The following LSAMP variants were observed in gnomAD, a reference collection of about 807,000 sequenced individuals.
LSAMP encodes the protein limbic system-associated membrane protein.
LSAMP carries 7 observed loss-of-function variants against 38.6 expected under a neutral mutation model. That is an observed-to-expected ratio of 0.18 (90% confidence interval 0.10 to 0.34). The LOEUF is 0.34. LSAMP is among the 10% of genes least tolerant of loss of function. The pLI is 1.00. For missense variants in LSAMP, 313 were observed against 420.0 expected (o/e 0.75, Z 2.23); for synonymous variants, 154 against 166.8 (o/e 0.92, Z 0.59).
intron 3 of LSAMP, among the ~76,000 whole-genome samples, chr3:115,949,175 C>T (rs890002118): frequency 6.6e-6 from 1 of 152,138 alleles, no homozygotes; most frequent in African/African-American, 2.4e-5. Context: ...ACAAGAATTG[C>T]TTGAATCTGG....
chr3:115,983,306 C>T (rs939060249), intron 3 of LSAMP, among the ~76,000 whole-genome samples: 1 of 151,998 alleles, frequency 6.6e-6, no homozygotes, highest in Non-Finnish European at 1.5e-5. Context: ...GCTCAACACC[C>T]AGAGTTCAGG....
chr3:116,148,637 G>A (rs1004330853), intron 1 of LSAMP, among the ~76,000 whole-genome samples: 1 of 151,984 alleles, frequency 6.6e-6, no homozygotes, highest in African/African-American at 2.4e-5. Context: ...AAGTTCCAGT[G>A]AGTTAATGAC....
chr3:116,444,733 C>T (rs1366152654), intron 1 of LSAMP, 144 bp downstream of exon 1: 2 of 1,039,236 alleles, frequency 1.9e-6, no homozygotes, highest in Non-Finnish European at 2.9e-6. Flanking sequence ...ACACACACCA[C>T]ACACACACAC....
At chr3:116,065,054 T>G (rs1576341823) in intron 2 of LSAMP, among the ~76,000 whole-genome samples, 2 of 152,368 alleles carry the variant, frequency 1.3e-5, no homozygotes, top group Non-Finnish European at 2.9e-5. Flanking sequence ...ATTTACCTGA[T>G]GCATGTGAAT....
At position 116,194,266 on chromosome 3, in the gene LSAMP, G is replaced by A. The variant is rs567179651; in HGVS notation, c.156-107710C>T. On this transcript the variant is annotated intron_variant, in intron 1 of 6. Coordinates refer to ENST00000490035, the MANE Select transcript of LSAMP (RefSeq NM_002338.5). ...TCAGATAGAAATGCAGAGAAGGGTC[G>A]AGGAGCAATATAGGCAGCGGAAGAC... Among the ~76,000 whole-genome samples, 326 of 152,232 alleles carry A rather than the reference G, an allele frequency of 2.1e-3. 1 individual carries two copies. The highest frequency in any genetic ancestry group is 7.5e-3 in the African/African-American group (311 of 41,536).
chr3:116,218,458 C>A (rs2046246068), intron 1 of LSAMP, among the ~76,000 whole-genome samples: 1 of 152,142 alleles, frequency 6.6e-6, no homozygotes. Context: ...TCCTCGCCAC[C>A]ACTGAATTTC....
chr3:115,822,093 T>C (rs1259364239), intron 6 of LSAMP, among the ~76,000 whole-genome samples: 1 of 152,326 alleles, frequency 6.6e-6, no homozygotes, highest in East Asian at 1.9e-4. Flanking sequence ...AATATTATTT[T>C]TTTCTTTTGC....
intron 1 of LSAMP, among the ~76,000 whole-genome samples, chr3:116,231,704 AG>A (rs1559792592): frequency 6.6e-6 from 1 of 152,162 alleles, no homozygotes; most frequent in Non-Finnish European, 1.5e-5. Flanking sequence ...TGTTAAAGAG[AG>A]GGGACACTGT....
At chr3:115,847,879 T>C (rs1935211232) in intron 4 of LSAMP, among the ~76,000 whole-genome samples, 1 of 152,224 alleles carries the variant, frequency 6.6e-6, no homozygotes, top group Admixed American at 6.5e-5. Context: ...AGTTGGCCAC[T>C]GTTGGTGTGA....
chr3:116,209,001 C>G (rs951553208), intron 1 of LSAMP, among the ~76,000 whole-genome samples: 2 of 152,214 alleles, frequency 1.3e-5, no homozygotes, highest in Admixed American at 6.5e-5. Context: ...CCCGGAGCCT[C>G]GCTGCCGCCT....
intron 3 of LSAMP, among the ~76,000 whole-genome samples, chr3:115,876,102 G>A (rs575326150): frequency 2.0e-4 from 30 of 151,776 alleles, no homozygotes; most frequent in Admixed American, 2.0e-4. Flanking sequence ...AATTTTTCAT[G>A]CTTATCAGTC....
At chr3:115,990,390 T>C (rs2107641457) in intron 3 of LSAMP, among the ~76,000 whole-genome samples, 1 of 152,206 alleles carries the variant, frequency 6.6e-6, no homozygotes, top group East Asian at 1.9e-4. Flanking sequence ...AGGCAGCTTC[T>C]GATTAGCACA....
Position 115,810,221 on chromosome 3 carries a change from A to ATCTCTCTC in LSAMP, c.*88_*95dup, listed in dbSNP as rs528530751. On this transcript the variant is annotated 3_prime_UTR_variant, in exon 7 of 7. Transcript: ENST00000490035. ...AGTTGTGAAATAAACGGTCTCCCCC[A>ATCTCTCTC]TCTCTCTCTCTCTCTCTCTCTCTGT... is the stretch of plus-strand genomic sequence containing the variant. 2.5e-5 allele frequency: 16 copies of ATCTCTCTC among 649,974 alleles called. No individual in the cohort carries two copies. Among genetic ancestry groups the ATCTCTCTC allele is most frequent in the African/African-American group, 2.3e-4 (12 of 52,392 alleles). 40.3% of individuals were successfully genotyped at this position (649,974 alleles called of 1,614,324 possible). A position where few individuals can be genotyped will look rare whatever the true frequency, so the allele number is the denominator to read the frequency against.
chr3:116,095,314 A>C (rs1319160635), intron 1 of LSAMP, among the ~76,000 whole-genome samples: 1 of 152,242 alleles, frequency 6.6e-6, no homozygotes, highest in Non-Finnish European at 1.5e-5. Flanking sequence ...GGAGCAATGA[A>C]AAGGCCTCCA....
At chr3:116,082,698 A>AT (rs1191666507) in intron 2 of LSAMP, among the ~76,000 whole-genome samples, 13 of 152,228 alleles carry the variant, frequency 8.5e-5, no homozygotes, top group African/African-American at 3.1e-4. Flanking sequence ...ATGAAATATT[A>AT]TGCAGCCATA....
intron 1 of LSAMP, among the ~76,000 whole-genome samples, chr3:116,124,624 A>T (rs1331235341): frequency 6.6e-6 from 1 of 152,222 alleles, no homozygotes; most frequent in Non-Finnish European, 1.5e-5. Context: ...GTTTCTGGGC[A>T]GGAGAGATTT....
At chr3:116,059,440 A>G (rs1299585424) in intron 2 of LSAMP, among the ~76,000 whole-genome samples, 2 of 152,200 alleles carry the variant, frequency 1.3e-5, no homozygotes, top group African/African-American at 4.8e-5. Flanking sequence ...GTGGCAGAAG[A>G]TATCTAGCTC....
intron 3 of LSAMP, among the ~76,000 whole-genome samples, chr3:115,908,897 A>C (rs1451821071): frequency 1.3e-5 from 2 of 152,132 alleles, no homozygotes; most frequent in African/African-American, 2.4e-5. Flanking sequence ...TTCAGTCAAG[A>C]GTGACATAAG....
intron 1 of LSAMP, among the ~76,000 whole-genome samples, chr3:116,216,292 C>T (rs953604995): frequency 1.1e-4 from 16 of 152,168 alleles, no homozygotes; most frequent in African/African-American, 3.6e-4. Flanking sequence ...GCTGTCTGGA[C>T]CACTCTGTAA....
Sources: allele counts gnomAD v4.1 joint callset (sites outside exome capture counted in the v4.1 genomes callset), GRCh38; gene constraint gnomAD v4.1.1; transcripts MANE v1.5; gene names NCBI Gene and HGNC (gene_info 2026-07-23, HGNC 2026-07-21).